PPFIBP2: variants seen among roughly 807,000 people sequenced by gnomAD.
The protein encoded by PPFIBP2 is PPFIB scaffold protein 2, also known as liprin-beta-2.
In PPFIBP2, 118 loss-of-function variants were observed where a neutral mutation model predicts 118.3. The observed-to-expected ratio is 1.00, with a 90% CI of 0.86 to 1.16. PPFIBP2 has a LOEUF of 1.16. Ranked by LOEUF, PPFIBP2 falls within the 50% of genes most tolerant of loss-of-function variation. The pLI, the probability that PPFIBP2 is intolerant of heterozygous loss-of-function variation, is 0.00. For synonymous variants in PPFIBP2, 414 were observed against 397.4 expected (o/e 1.04, Z -0.50); for missense variants, 1,195 against 1,073.1 (o/e 1.11, Z -1.59).
intron 1 of PPFIBP2, among the ~76,000 whole-genome samples, chr11:7,526,649 G>A (rs1850256746): frequency 6.6e-6 from 1 of 152,084 alleles, no homozygotes; most frequent in South Asian, 2.1e-4. Flanking sequence ...AGGGTGGGCA[G>A]ATCACGAGGT....
At chr11:7,520,657 C>G (rs183287411) in intron 1 of PPFIBP2, among the ~76,000 whole-genome samples, 98 of 152,244 alleles carry the variant, frequency 6.4e-4, no homozygotes, top group African/African-American at 2.3e-3. Context: ...CCTGTTCATC[C>G]CCATTCAAGA....
At chr11:7,597,230 G>A (rs947105744) in intron 4 of PPFIBP2, 23 of 1,522,418 alleles carry the variant, frequency 1.5e-5, no homozygotes, top group African/African-American at 5.5e-5. Context: ...CCTTGAGGTC[G>A]GGGCTGTTCT....
At chr11:7,655,052 T>C (rs1036707832), downstream of PPFIBP2, among the ~76,000 whole-genome samples, 3 of 152,164 alleles carry the variant, frequency 2.0e-5, no homozygotes, top group Non-Finnish European at 4.4e-5. Context: ...TGTTGCCTGG[T>C]AGCAGGAGTC....
intron 15 of PPFIBP2, among the ~76,000 whole-genome samples, chr11:7,640,693 TCTGAGCTGAGTGAGCCCAGGCAC>T (rs1474187788): frequency 6.6e-6 from 1 of 152,184 alleles, no homozygotes; most frequent in East Asian, 1.9e-4. Flanking sequence ...ATTGTTCTAG[TCTGAGCTGAGTGAGCCCAGGCAC>T]CTGCACAAGA....
intron 2 of PPFIBP2, among the ~76,000 whole-genome samples, chr11:7,554,219 C>G (rs1313465296): frequency 6.6e-6 from 1 of 151,738 alleles, no homozygotes; most frequent in Non-Finnish European, 1.5e-5. Context: ...TATTTTCTCA[C>G]AGTTACCACG....
intron 2 of PPFIBP2, among the ~76,000 whole-genome samples, chr11:7,564,036 G>C (rs1854648163): frequency 6.6e-6 from 1 of 152,036 alleles, no homozygotes; most frequent in Non-Finnish European, 1.5e-5. Flanking sequence ...CGTGGTGGCG[G>C]GCACCTGCAG....
chr11:7,517,247 G>C (rs1270797364), intron 1 of PPFIBP2, among the ~76,000 whole-genome samples: 1 of 152,210 alleles, frequency 6.6e-6, no homozygotes, highest in Non-Finnish European at 1.5e-5. Flanking sequence ...GAGCTCGAGT[G>C]AGGGTGATGA....
chr11:7,620,857 C>A, intron 6 of PPFIBP2, 78 bp from the exon 7 acceptor site: 1 of 997,830 alleles, frequency 1.0e-6, no homozygotes, highest in Non-Finnish European at 1.6e-6. Context: ...ACCCCATATG[C>A]ATGAGCTTAA....
At chr11:7,572,776 T>G (rs534981780) in intron 3 of PPFIBP2, among the ~76,000 whole-genome samples, 8,396 of 151,752 alleles carry the variant, frequency 0.055, 747 homozygotes, top group African/African-American at 0.19. Context: ...GTTTTGTTTG[T>G]TTTGTTTTGT....
Position 7,634,565 on chromosome 11 carries a change from A to T in PPFIBP2, c.1194+13A>T. 6.2e-7 allele frequency: 1 copy of T among 1,606,740 alleles called. No homozygotes were observed. The highest frequency in any genetic ancestry group is 8.5e-7 in the Non-Finnish European group (1 of 1,173,294). On this transcript the variant is annotated intron_variant, in intron 13 of 23. Transcript: ENST00000299492. Reference sequence around the variant, plus strand: ...ATCTGTGGATAAGGTCGGCTCATCAACCTATCCTTAAAGATGACTGAGTTA... The same window carrying T: ...ATCTGTGGATAAGGTCGGCTCATCATCCTATCCTTAAAGATGACTGAGTTA...
intron 1 of PPFIBP2, among the ~76,000 whole-genome samples, chr11:7,544,523 C>G (rs945626762): frequency 5.9e-5 from 9 of 152,088 alleles, no homozygotes; most frequent in Non-Finnish European, 1.2e-4. Flanking sequence ...GCCTGTATTC[C>G]CAGCACTTTG....
intron 1 of PPFIBP2, among the ~76,000 whole-genome samples, chr11:7,544,667 G>A (rs866468406): frequency 1.3e-5 from 2 of 151,534 alleles, no homozygotes; most frequent in Middle Eastern, 3.4e-3. Flanking sequence ...CTAGCTACTC[G>A]GGAGGCTGAG....
At chr11:7,551,587 G>A (rs1853004253) in intron 2 of PPFIBP2, among the ~76,000 whole-genome samples, 1 of 152,078 alleles carries the variant, frequency 6.6e-6, no homozygotes, top group Admixed American at 6.5e-5. Context: ...GCTACCTTTT[G>A]CCTCTTCGTA....
At chr11:7,592,648 C>G (rs1859542713) in intron 3 of PPFIBP2, among the ~76,000 whole-genome samples, 1 of 152,186 alleles carries the variant, frequency 6.6e-6, no homozygotes, top group African/African-American at 2.4e-5. Context: ...GATGGGCCTC[C>G]ATGCAGCAAG....
intron 2 of PPFIBP2, among the ~76,000 whole-genome samples, chr11:7,552,189 C>T (rs1279881100): frequency 1.3e-5 from 2 of 152,244 alleles, no homozygotes; most frequent in African/African-American, 2.4e-5. Flanking sequence ...AAGTTACTTA[C>T]ATGGTCTGTG....
chr11:7,617,408 T>C, intron 6 of PPFIBP2: 1 of 627,174 alleles, frequency 1.6e-6, no homozygotes, highest in Non-Finnish European at 2.0e-6. Flanking sequence ...ATGGATCTGT[T>C]GTTACCTCTG....
chr11:7,596,271 T>C (rs1256367355), intron 4 of PPFIBP2, among the ~76,000 whole-genome samples: 2 of 152,180 alleles, frequency 1.3e-5, no homozygotes, highest in African/African-American at 4.8e-5. Flanking sequence ...GTCCTGCCCT[T>C]TTGAAAGTAG....
chr11:7,529,481 C>A (rs796236807), intron 1 of PPFIBP2, among the ~76,000 whole-genome samples: 12 of 152,262 alleles, frequency 7.9e-5, no homozygotes, highest in African/African-American at 2.9e-4. Context: ...AACCGGGAGG[C>A]CTTTCTCAGA....
intron 3 of PPFIBP2, among the ~76,000 whole-genome samples, chr11:7,592,191 C>G (rs1243554434): frequency 2.0e-5 from 3 of 152,100 alleles, no homozygotes; most frequent in Non-Finnish European, 2.9e-5. Flanking sequence ...CTATTGCAGA[C>G]CAGTCTGATT....
Sources: allele counts gnomAD v4.1 joint callset (sites outside exome capture counted in the v4.1 genomes callset), GRCh38; gene constraint gnomAD v4.1.1; transcripts MANE v1.5; gene names NCBI Gene and HGNC (gene_info 2026-07-23, HGNC 2026-07-21).